The following GAP43 variants were observed in gnomAD, a reference collection of about 807,000 sequenced individuals.
GAP43 encodes the protein neuromodulin.
GAP43 carries 6 observed loss-of-function variants against 18.6 expected under a neutral mutation model. That is an observed-to-expected ratio of 0.32 (90% CI 0.18 to 0.64). GAP43 has a LOEUF of 0.64. Among genes scored for constraint, GAP43 ranks in the 30% least tolerant of loss-of-function variants. GAP43 has a pLI of 0.78. For missense variants in GAP43, 292 were observed against 295.5 expected, an observed-to-expected ratio of 0.99 and a Z score of 0.09; for synonymous variants, 115 against 111.4, an observed-to-expected ratio of 1.03 and a Z score of -0.20.
At chr3:115,675,947 A>G in intron 1 of GAP43, 66 bp from the exon 2 acceptor site, 2 of 1,528,244 alleles carry the variant, frequency 1.3e-6, no homozygotes, top group South Asian at 2.7e-5. Flanking sequence ...TACTTGTTGA[A>G]TGCTGAGATT....
chr3:115,692,081 T>C (rs1709122599), intron 2 of GAP43, among the ~76,000 whole-genome samples: 1 of 152,192 alleles, frequency 6.6e-6, no homozygotes, highest in Admixed American at 6.5e-5. Flanking sequence ...TGTGTGTGCA[T>C]ACGGATGATA....
intron 1 of GAP43, among the ~76,000 whole-genome samples, chr3:115,630,216 T>C (rs1708244715): frequency 6.6e-6 from 1 of 152,206 alleles, no homozygotes; most frequent in African/African-American, 2.4e-5. Flanking sequence ...AGAGTAGCAA[T>C]ATTTTTTTCT....
chr3:115,678,884 G>A (rs1708924996), intron 2 of GAP43, among the ~76,000 whole-genome samples: 1 of 150,314 alleles, frequency 6.7e-6, no homozygotes, highest in South Asian at 2.1e-4. Context: ...TTCTTTCTGG[G>A]TTGAGGTATC....
intron 1 of GAP43, among the ~76,000 whole-genome samples, chr3:115,669,512 T>G (rs567441402): frequency 1.3e-5 from 2 of 152,332 alleles, no homozygotes; most frequent in African/African-American, 4.8e-5. Context: ...GACAAGGTAC[T>G]TCTCAAAGGC....
chr3:115,689,697 C>T (rs1401604485), intron 2 of GAP43, among the ~76,000 whole-genome samples: 1 of 151,772 alleles, frequency 6.6e-6, no homozygotes, highest in East Asian at 1.9e-4. Context: ...TTAGGAGGAA[C>T]AAGGTGGGGA....
intron 2 of GAP43, among the ~76,000 whole-genome samples, chr3:115,715,249 A>T (rs576428385): frequency 6.6e-6 from 1 of 152,328 alleles, no homozygotes; most frequent in East Asian, 1.9e-4. Context: ...AACAGTACTA[A>T]TATTAAGTTT....
At chr3:115,642,493 CTG>C (rs1708409690) in intron 1 of GAP43, among the ~76,000 whole-genome samples, 1 of 151,404 alleles carries the variant, frequency 6.6e-6, no homozygotes, top group Non-Finnish European at 1.5e-5. Flanking sequence ...ATTTAAAAGT[CTG>C]TATTCTAGAA....
intron 1 of GAP43, among the ~76,000 whole-genome samples, chr3:115,672,732 C>CTCCTCTCCTCTCCTCT: frequency 9.3e-6 from 1 of 107,562 alleles, no homozygotes; most frequent in East Asian, 2.8e-4. Context: ...CTTCCCACAT[C>CTCCTCTCCTCTCCTCT]CCTCTCCTCT....
chr3:115,716,645 C>A (rs914136108), intron 2 of GAP43, among the ~76,000 whole-genome samples: 1 of 145,586 alleles, frequency 6.9e-6, no homozygotes, highest in Non-Finnish European at 1.5e-5. Flanking sequence ...GTCATCCCTT[C>A]GCTTAAAACA....
At chr3:115,658,188 G>T (rs906160695) in intron 1 of GAP43, among the ~76,000 whole-genome samples, 1 of 152,086 alleles carries the variant, frequency 6.6e-6, no homozygotes, top group African/African-American at 2.4e-5. Context: ...CAAATCATCA[G>T]AGTTTAGAGA....
chr3:115,709,416 T>C (rs1174596976), intron 2 of GAP43, among the ~76,000 whole-genome samples: 1 of 152,196 alleles, frequency 6.6e-6, no homozygotes, highest in Non-Finnish European at 1.5e-5. Context: ...AAATCCCAGC[T>C]CAGATTTTCA....
At chr3:115,664,019 A>G in intron 1 of GAP43, 2 of 1,069,460 alleles carry the variant, frequency 1.9e-6, no homozygotes, top group African/African-American at 1.6e-5. Flanking sequence ...TAATTACTTA[A>G]CTAATGTCCT....
chr3:115,670,307 C>T (rs1258049088), intron 1 of GAP43, among the ~76,000 whole-genome samples: 1 of 150,518 alleles, frequency 6.6e-6, no homozygotes, highest in Admixed American at 6.6e-5. Context: ...TCATCCATGT[C>T]CCTACAAAGG....
intron 2 of GAP43, among the ~76,000 whole-genome samples, chr3:115,717,693 C>G (rs1232261272): frequency 6.8e-6 from 1 of 146,808 alleles, no homozygotes; most frequent in Admixed American, 6.8e-5. Context: ...TTTCTCAGTA[C>G]CTAGAAGAAT....
rs1296881489 is a variant in GAP43, at chr3:115,721,063, AAGC to A, written c.*184_*186del. On this transcript the variant is annotated 3_prime_UTR_variant, in exon 3 of 3. Coordinates refer to ENST00000305124, the MANE Select transcript of GAP43 (RefSeq NM_002045.4). The stretch of plus-strand genomic sequence containing the variant: ...GCAAACATTTAAAAAAAAAAAAAAA[AAGC>A]AGGAAAGATCCCAAGTCAAACAGTG... 2 of 341,958 alleles carry A rather than the reference AAGC, an allele frequency of 5.8e-6. No homozygotes were observed. Among genetic ancestry groups the A allele is most frequent in the African/African-American group, 2.1e-5 (1 of 46,850 alleles). The allele number at this position is 341,958 out of a possible 1,614,324, so 21.2% of individuals were successfully genotyped here. A position where few individuals can be genotyped will look rare whatever the true frequency, so the allele number is the denominator to read the frequency against.
intron 1 of GAP43, among the ~76,000 whole-genome samples, chr3:115,668,654 C>T (rs2107485251): frequency 6.6e-6 from 1 of 152,096 alleles, no homozygotes; most frequent in South Asian, 2.1e-4. Flanking sequence ...AAACTCCTGA[C>T]CTCAGGTGAT....
intron 2 of GAP43, among the ~76,000 whole-genome samples, chr3:115,681,746 A>G (rs992802647): frequency 6.6e-6 from 1 of 152,198 alleles, no homozygotes; most frequent in African/African-American, 2.4e-5. Context: ...GCTGAGTGCT[A>G]TGTGGGGATT....
intron 1 of GAP43, among the ~76,000 whole-genome samples, chr3:115,647,032 T>C (rs1299549989): frequency 6.6e-6 from 1 of 152,034 alleles, no homozygotes; most frequent in African/African-American, 2.4e-5. Flanking sequence ...ACATTTCCTC[T>C]GTTGAAATCC....
intron 1 of GAP43, among the ~76,000 whole-genome samples, chr3:115,654,935 C>T (rs1302562398): frequency 6.6e-6 from 1 of 152,056 alleles, no homozygotes; most frequent in African/African-American, 2.4e-5. Context: ...TCACGGGGGG[C>T]ATCTAGCAGG....
Sources: gnomAD v4.1 joint callset for allele counts (sites outside exome capture counted in the v4.1 genomes callset) on GRCh38, gnomAD v4.1.1 for gene constraint, MANE v1.5 for transcripts, NCBI Gene and HGNC (gene_info 2026-07-23, HGNC 2026-07-21) for gene names.